CDH12: variants seen among roughly 807,000 people sequenced by gnomAD.
CDH12 encodes the protein cadherin 12.
A neutral mutation model predicts 74.1 loss-of-function variants in CDH12; 41 were observed. The observed-to-expected ratio is 0.55, with a 90% confidence interval of 0.43 to 0.72. The LOEUF (loss-of-function observed/expected upper bound fraction) is 0.72. Among genes scored for constraint, CDH12 ranks in the 30% least tolerant of loss-of-function variants. CDH12 has a pLI of 0.00. For synonymous variants in CDH12, 399 were observed against 355.0 expected, an observed-to-expected ratio of 1.12 and a Z score of -1.39; for missense variants, 945 against 977.2, an observed-to-expected ratio of 0.97 and a Z score of 0.44.
At chr5:22,422,983 T>C (rs559239534) in intron 2 of CDH12, among the ~76,000 whole-genome samples, 22 of 152,260 alleles carry the variant, frequency 1.4e-4, no homozygotes, top group South Asian at 6.2e-4. Context: ...TATTAAATCA[T>C]TGAATACTGT....
intron 1 of CDH12, among the ~76,000 whole-genome samples, chr5:22,534,366 C>A (rs1207173060): frequency 6.6e-6 from 1 of 152,114 alleles, no homozygotes; most frequent in Non-Finnish European, 1.5e-5. Flanking sequence ...CACACTTCCC[C>A]TGAGTCCCCA....
chr5:21,846,862 G>C (rs1476451702), intron 7 of CDH12, among the ~76,000 whole-genome samples: 2 of 152,074 alleles, frequency 1.3e-5, no homozygotes, highest in African/African-American at 4.8e-5. Context: ...ATGGTTTTTT[G>C]TAGACAGCAT....
At chr5:21,800,418 T>A (rs567965681) in intron 10 of CDH12, among the ~76,000 whole-genome samples, 1 of 152,238 alleles carries the variant, frequency 6.6e-6, no homozygotes, top group East Asian at 1.9e-4. Context: ...TGTGATAGTA[T>A]TAAAAGATGG....
rs534430053 is a variant in CDH12 at position 22,637,599 on chromosome 5, G to A, written c.-522-132235C>T. Among the ~76,000 whole-genome samples, 6 of 152,330 alleles carry A rather than the reference G, an allele frequency of 3.9e-5. No individual in the cohort carries two copies. In the East Asian group the frequency reaches 5.8e-4, roughly 15 times the overall value. On this transcript the variant is annotated intron_variant, in intron 1 of 14. Transcript: ENST00000382254. ...AGAACAGCAAAATGGCGCAGATTGC[G>A]CTTCCTCTCTTAGGATCATCAGATG...
intron 1 of CDH12, among the ~76,000 whole-genome samples, chr5:22,682,627 C>T (rs892626207): frequency 6.6e-6 from 1 of 151,892 alleles, no homozygotes; most frequent in African/African-American, 2.4e-5. Context: ...TATTTTTTGT[C>T]TGTCTAAAGT....
chr5:22,231,994 A>G (rs1037511260), intron 3 of CDH12, among the ~76,000 whole-genome samples: 1 of 151,902 alleles, frequency 6.6e-6, no homozygotes, highest in African/African-American at 2.4e-5. Context: ...TATTTTATAC[A>G]TTGCCTAAAA....
intron 6 of CDH12, among the ~76,000 whole-genome samples, chr5:21,886,521 ATAT>A (rs1417484891): frequency 5.4e-5 from 8 of 146,834 alleles, no homozygotes; most frequent in South Asian, 2.1e-4. Flanking sequence ...GAGTTTACAT[ATAT>A]TATTATATTA....
Position 22,534,183 on chromosome 5 carries a change from TCTTTA to T in CDH12, c.-522-28824_-522-28820del, listed in dbSNP as rs760594437. ...GGCTCTGAGATTTCCAAACACAGCC[TCTTTA>T]CTTCTTTTTTTTTTAATTTTTTTAT... On this transcript the variant is annotated intron_variant, in intron 1 of 14. Coordinates refer to ENST00000382254, the MANE Select transcript of CDH12 (RefSeq NM_004061.5). Among the ~76,000 whole-genome samples, 130 of 152,054 alleles carry T rather than the reference TCTTTA, an allele frequency of 8.5e-4. 3 individuals are homozygous for T. The highest frequency in any genetic ancestry group is 2.0e-4 in the Admixed American group (3 of 15,258).
At chr5:22,660,214 C>T (rs1341271157) in intron 1 of CDH12, among the ~76,000 whole-genome samples, 2 of 152,144 alleles carry the variant, frequency 1.3e-5, no homozygotes, top group Admixed American at 1.3e-4. Flanking sequence ...CACACATATG[C>T]TAGAAACCCA....
At chr5:22,009,934 T>C (rs1359914962) in intron 5 of CDH12, among the ~76,000 whole-genome samples, 1 of 73,726 alleles carries the variant, frequency 1.4e-5, no homozygotes, top group Non-Finnish European at 2.4e-5. Context: ...GCCAAGAAAC[T>C]GTCTCAAAAA....
chr5:22,846,467 C>A (rs1264546662), intron 1 of CDH12, among the ~76,000 whole-genome samples: 4 of 151,996 alleles, frequency 2.6e-5, no homozygotes, highest in African/African-American at 9.7e-5. Flanking sequence ...GATGTATTTA[C>A]AGGTCAAAAG....
intron 5 of CDH12, among the ~76,000 whole-genome samples, chr5:22,048,292 A>C (rs1740106233): frequency 6.6e-6 from 1 of 152,216 alleles, no homozygotes; most frequent in Admixed American, 6.5e-5. Flanking sequence ...GGAAAGAAGC[A>C]AAAGGTAAAA....
intron 1 of CDH12, among the ~76,000 whole-genome samples, chr5:22,533,296 C>G (rs769854405): frequency 4.0e-4 from 61 of 152,134 alleles, no homozygotes; most frequent in Non-Finnish European, 8.7e-4. Context: ...ACAAAATGAT[C>G]AATACTTCCA....
intron 2 of CDH12, among the ~76,000 whole-genome samples, chr5:22,482,638 G>T (rs1478868933): frequency 6.6e-6 from 1 of 151,896 alleles, no homozygotes; most frequent in Non-Finnish European, 1.5e-5. Flanking sequence ...ATAATATTAA[G>T]GTTTAATGTT....
At chr5:22,355,877 T>A (rs1740545727) in intron 3 of CDH12, among the ~76,000 whole-genome samples, 1 of 152,068 alleles carries the variant, frequency 6.6e-6, no homozygotes, top group African/African-American at 2.4e-5. Context: ...GACTAAACAA[T>A]AGGGGTTGGG....
chr5:21,927,292 T>C (rs1754627337), intron 6 of CDH12, among the ~76,000 whole-genome samples: 1 of 151,972 alleles, frequency 6.6e-6, no homozygotes, highest in Non-Finnish European at 1.5e-5. Context: ...TGAAAAATAT[T>C]ATAATAAATC....
At chr5:22,246,419 A>C (rs1009514042) in intron 3 of CDH12, among the ~76,000 whole-genome samples, 2 of 152,166 alleles carry the variant, frequency 1.3e-5, no homozygotes, top group African/African-American at 4.8e-5. Flanking sequence ...ATTTCTTAGA[A>C]ACTAATTATT....
chr5:22,287,552 G>A (rs997468314), intron 3 of CDH12, among the ~76,000 whole-genome samples: 7 of 151,482 alleles, frequency 4.6e-5, no homozygotes, highest in Admixed American at 6.6e-5. Flanking sequence ...GTGAAACCCC[G>A]TCTCTACTAA....
At chr5:21,857,667 A>T (rs1282583773) in intron 6 of CDH12, among the ~76,000 whole-genome samples, 1 of 151,902 alleles carries the variant, frequency 6.6e-6, no homozygotes, top group Non-Finnish European at 1.5e-5. Context: ...GCATCAGGAG[A>T]TGCCCACATG....
Sources: gnomAD v4.1 joint callset for allele counts (sites outside exome capture counted in the v4.1 genomes callset) on GRCh38, gnomAD v4.1.1 for gene constraint, MANE v1.5 for transcripts, NCBI Gene and HGNC (gene_info 2026-07-23, HGNC 2026-07-21) for gene names.